NRXN3: variants seen among roughly 807,000 people sequenced by gnomAD.
The protein encoded by NRXN3 is neurexin III.
Under a neutral mutation model 137.6 loss-of-function variants are expected in NRXN3, and 32 were observed. The observed-to-expected ratio is 0.23, with a 90% CI of 0.18 to 0.31. NRXN3 has a LOEUF of 0.31. Ranked by LOEUF, NRXN3 falls within the 10% of genes least tolerant of loss-of-function variation. NRXN3 has a pLI of 1.00. For missense variants in NRXN3, 1,574 were observed against 2,062.5 expected (o/e 0.76, Z 4.59); for synonymous variants, 798 against 784.5 (o/e 1.02, Z -0.29).
At chr14:79,329,013 A>C (rs2091302508) in intron 15 of NRXN3, among the ~76,000 whole-genome samples, 2 of 152,110 alleles carry the variant, frequency 1.3e-5, no homozygotes, top group African/African-American at 4.8e-5. Flanking sequence ...TAACATGAGT[A>C]AGAAAGGCTA....
rs553050843 is a variant in NRXN3, at chr14:79,762,216, C to T, written c.4015-42896C>T. Among the ~76,000 whole-genome samples, 127 of 151,608 alleles carry T rather than the reference C, an allele frequency of 8.4e-4. 6 individuals are homozygous for T. The highest frequency in any genetic ancestry group is 2.7e-3 in the African/African-American group (111 of 40,978). On this transcript the variant is annotated intron_variant, in intron 19 of 20. Transcript: ENST00000335750. ...AGTATTAGAAAAATTGCTAGCACTA[C>T]GAAATCAAGCAGGTTATGGCAGTAT...
intron 15 of NRXN3, among the ~76,000 whole-genome samples, chr14:79,380,863 C>G (rs531276470): frequency 2.0e-5 from 3 of 152,154 alleles, no homozygotes; most frequent in Admixed American, 1.3e-4. Flanking sequence ...AGAACTAGAC[C>G]TAGATATACT....
chr14:78,778,700 T>TTC (rs1352139130), intron 8 of NRXN3, among the ~76,000 whole-genome samples: 1 of 146,888 alleles, frequency 6.8e-6, no homozygotes, highest in Admixed American at 6.8e-5. Flanking sequence ...CTTTCTTTCT[T>TTC]TCTTTCTTTC....
At chr14:79,267,792 A>G (rs2078670473) in intron 15 of NRXN3, among the ~76,000 whole-genome samples, 1 of 152,178 alleles carries the variant, frequency 6.6e-6, no homozygotes, top group Non-Finnish European at 1.5e-5. Context: ...TTAATTTTTG[A>G]TCACAACTAT....
In NRXN3 at chr14:78,767,318, A is replaced by G. The variant is rs189910532; in HGVS notation, c.2045-36302A>G. Among the ~76,000 whole-genome samples, 447 of 152,356 alleles carry G rather than the reference A, an allele frequency of 2.9e-3. 4 individuals carry two copies. The highest frequency in any genetic ancestry group is 9.9e-3 in the African/African-American group (410 of 41,588). ...CTTCTTCAAAGTTAGTGGTAAAGGC[A>G]GTAAAGAAATACATTTACATTTATA... On this transcript the variant is annotated intron_variant, in intron 8 of 20. Coordinates refer to ENST00000335750, the MANE Select transcript of NRXN3 (RefSeq NM_001330195.2).
chr14:78,944,945 T>G (rs189736996), intron 10 of NRXN3, among the ~76,000 whole-genome samples: 3 of 152,318 alleles, frequency 2.0e-5, no homozygotes, highest in Admixed American at 2.0e-4. Context: ...TAACATTATT[T>G]ATGTTTCTTA....
Position 79,441,680 on chromosome 14 carries a change from G to A in NRXN3, c.3263-25541G>A, listed in dbSNP as rs111559949. On this transcript the variant is annotated intron_variant, in intron 15 of 20. Coordinates refer to ENST00000335750, the MANE Select transcript of NRXN3 (RefSeq NM_001330195.2). ...CAGGCGTGAGCCACCACACCCGACC[G>A]ACAAACAGAAAATCTTAGAGGGGCA... Among the ~76,000 whole-genome samples, 1,083 of 151,798 alleles carry A rather than the reference G, an allele frequency of 7.1e-3. 8 individuals carry two copies. Among genetic ancestry groups the A allele is most frequent in the Non-Finnish European group, 0.011 (759 of 67,896 alleles).
At chr14:79,391,004 C>G (rs975494227) in intron 15 of NRXN3, among the ~76,000 whole-genome samples, 1 of 152,098 alleles carries the variant, frequency 6.6e-6, no homozygotes, top group Non-Finnish European at 1.5e-5. Context: ...AGCAAGGAGT[C>G]CCTTGCCAGT....
At chr14:78,639,149 C>T (rs1029539023) in intron 4 of NRXN3, among the ~76,000 whole-genome samples, 38 of 152,230 alleles carry the variant, frequency 2.5e-4, no homozygotes, top group Admixed American at 6.5e-5. Flanking sequence ...ATCTCTTTGC[C>T]TAGCAGGCAA....
chr14:78,254,802 A>G (rs2069255543), intron 2 of NRXN3, among the ~76,000 whole-genome samples: 1 of 152,070 alleles, frequency 6.6e-6, no homozygotes, highest in South Asian at 2.1e-4. Flanking sequence ...AGAAATAAAG[A>G]TTTCGCTAAA....
At chr14:78,483,148 A>G (rs940936933) in intron 4 of NRXN3, among the ~76,000 whole-genome samples, 9 of 152,186 alleles carry the variant, frequency 5.9e-5, no homozygotes, top group African/African-American at 1.9e-4. Flanking sequence ...GATCATGACT[A>G]TTATCACATC....
At chr14:79,670,866 G>T (rs1230248767) in intron 17 of NRXN3, among the ~76,000 whole-genome samples, 3 of 152,102 alleles carry the variant, frequency 2.0e-5, no homozygotes, top group African/African-American at 7.2e-5. Flanking sequence ...CTACAATGAA[G>T]TTTACTTATG....
chr14:78,759,244 G>A (rs753953743), intron 8 of NRXN3, among the ~76,000 whole-genome samples: 2 of 152,150 alleles, frequency 1.3e-5, no homozygotes, highest in African/African-American at 4.8e-5. Flanking sequence ...TGGTATTTCC[G>A]CTTGTTGGTA....
At chr14:78,181,739 G>A (rs1050809687) in intron 1 of NRXN3, among the ~76,000 whole-genome samples, 6 of 152,324 alleles carry the variant, frequency 3.9e-5, no homozygotes, top group Non-Finnish European at 8.8e-5. Flanking sequence ...TGGTGAAACA[G>A]CTACTTTGGG....
chr14:78,818,898 A>G (rs1444769447), intron 10 of NRXN3, among the ~76,000 whole-genome samples: 1 of 152,152 alleles, frequency 6.6e-6, no homozygotes, highest in Non-Finnish European at 1.5e-5. Context: ...AGATGTATGT[A>G]TCTCTAAAAT....
intron 10 of NRXN3, among the ~76,000 whole-genome samples, chr14:78,930,004 T>C (rs2099317206): frequency 6.6e-6 from 1 of 152,192 alleles, no homozygotes; most frequent in African/African-American, 2.4e-5. Context: ...TTATTATTAT[T>C]ATTATTAATG....
chr14:78,391,022 A>C (rs2090685820), intron 4 of NRXN3, among the ~76,000 whole-genome samples: 1 of 152,182 alleles, frequency 6.6e-6, no homozygotes, highest in African/African-American at 2.4e-5. Context: ...TAAAAGTGAA[A>C]ACATGTGGTG....
chr14:79,263,519 G>T (rs2077963018), intron 15 of NRXN3, among the ~76,000 whole-genome samples: 1 of 152,156 alleles, frequency 6.6e-6, no homozygotes, highest in South Asian at 2.1e-4. Flanking sequence ...GGAGGTGGGA[G>T]ATCCTGGATC....
At chr14:79,268,260 T>G (rs1397746602) in intron 15 of NRXN3, among the ~76,000 whole-genome samples, 1 of 152,240 alleles carries the variant, frequency 6.6e-6, no homozygotes, top group African/African-American at 2.4e-5. Context: ...ATCAGGACTG[T>G]TACAGCTGAT....
Sources: allele counts gnomAD v4.1 joint callset (sites outside exome capture counted in the v4.1 genomes callset), GRCh38; gene constraint gnomAD v4.1.1; transcripts MANE v1.5; gene names NCBI Gene and HGNC (gene_info 2026-07-23, HGNC 2026-07-21).